PGAP6: variants seen among roughly 807,000 people sequenced by gnomAD.
The protein encoded by PGAP6 is post-GPI attachment to proteins factor 6.
Under a neutral mutation model 68.4 loss-of-function variants are expected in PGAP6, and 62 were observed. That is an observed-to-expected ratio of 0.91 (90% CI 0.74 to 1.12). The LOEUF (loss-of-function observed/expected upper bound fraction) is 1.12, where lower values mean the gene tolerates loss of function less well. PGAP6 is among the 50% of genes most tolerant of loss of function. PGAP6 has a pLI of 0.00. For synonymous variants in PGAP6, 575 were observed against 474.0 expected, an observed-to-expected ratio of 1.21 and a Z score of -2.77; for missense variants, 1,188 against 1,068.5, an observed-to-expected ratio of 1.11 and a Z score of -1.56.
rs868204449 is a variant in PGAP6, at chr16:376,152, G to T, written c.1208C>A (p.Ser403Tyr). 1 of 1,605,510 alleles carries T rather than the reference G, an allele frequency of 6.2e-7. No homozygotes were observed. The highest frequency in any genetic ancestry group is 1.7e-5 in the Admixed American group (1 of 59,758). ...GMDSGGSLTISLRANKTEMRN... is the reference protein window; with the variant it reads ...GMDSGGSLTIYLRANKTEMRN... Reference sequence around the variant, plus strand: ...AGCAGGTACCTTGTTGGCCCGCAGGGAGATGGTGAGGGAACCCCCGCTGTC... The same window carrying T: ...AGCAGGTACCTTGTTGGCCCGCAGGTAGATGGTGAGGGAACCCCCGCTGTC... The change falls in exon 6 of 13, where the codon TCC (serine) becomes TAC (tyrosine). Residue 403 changes from serine (S) to tyrosine (Y), a missense_variant. Physicochemically the swap from Ser to Tyr is moderately radical, Grantham distance 144. Coordinates refer to ENST00000431232, the MANE Select transcript of PGAP6 (RefSeq NM_021259.3).
At position 376,335 on chromosome 16, in the gene PGAP6, C is replaced by T. The variant is rs2054383254; in HGVS notation, c.1025G>A (p.Gly342Asp). Reference sequence around the variant, plus strand: ...GCAGAAGGGGCTGCGGTCCACCCTGCCACTCCTGCCCAGGTCCTGGTGGTC... The same window carrying T: ...GCAGAAGGGGCTGCGGTCCACCCTGTCACTCCTGCCCAGGTCCTGGTGGTC... ...SPDHQDLGRSGRVDRSPFCLT... is the reference protein window; with the variant it reads ...SPDHQDLGRSDRVDRSPFCLT... Residue 342 changes from glycine (G) to aspartate (D), a missense_variant, in exon 6 of 13, where the codon GGC becomes GAC. Coordinates refer to ENST00000431232, the MANE Select transcript of PGAP6 (RefSeq NM_021259.3). 1.9e-6 allele frequency: 3 copies of T among 1,612,528 alleles called. No individual in the cohort carries two copies. The highest frequency in any genetic ancestry group is 2.5e-6 in the Non-Finnish European group (3 of 1,179,950).
intron 1 of PGAP6, among the ~76,000 whole-genome samples, chr16:380,829 G>A (rs1189232493): frequency 6.6e-6 from 1 of 152,164 alleles, no homozygotes; most frequent in East Asian, 1.9e-4. Context: ...CGGGAAGTCG[G>A]GGAACAGCAC....
upstream of PGAP6, chr16:386,866 A>T (rs565934180): frequency 1.8e-5 from 12 of 680,236 alleles, no homozygotes; most frequent in African/African-American, 2.2e-4. Context: ...GTCCACAGCC[A>T]CATAAAAAAG....
upstream of PGAP6, among the ~76,000 whole-genome samples, chr16:382,733 C>A (rs1372533734): frequency 7.1e-6 from 1 of 140,138 alleles, no homozygotes; most frequent in Admixed American, 7.9e-5. Flanking sequence ...AGAAGTTCCG[C>A]CGCGTCGTGG....
intron 1 of PGAP6, among the ~76,000 whole-genome samples, chr16:380,251 T>C (rs113071511): frequency 2.0e-5 from 3 of 152,370 alleles, no homozygotes; most frequent in African/African-American, 7.2e-5. Context: ...GGTCTCACTC[T>C]GTCACCCAGG....
chr16:377,666 C>T lies in PGAP6; in HGVS notation c.299+5G>A, dbSNP rs781349394. 3 of 1,578,490 alleles carry T rather than the reference C, an allele frequency of 1.9e-6. No homozygotes were observed. In the South Asian group the frequency reaches 3.5e-5, roughly 18 times the overall value. ...GGGTGGGCAGGCGGGCGGGCAGCCA[C>T]CTACACGGTGATCTCCGCGTCGGTG... On this transcript the variant is annotated splice_donor_5th_base_variant and intron_variant, in intron 2 of 12. Transcript: ENST00000431232.
chr16:377,910 G>A lies in PGAP6; in HGVS notation c.122-62C>T, dbSNP rs964147797. The A allele has an allele frequency of 7.7e-6, 11 of 1,432,282 alleles. No individual in the cohort carries two copies. In the African/African-American group the frequency reaches 1.0e-4, roughly 13 times the overall value. 88.7% of individuals were successfully genotyped at this position (1,432,282 alleles called of 1,614,324 possible). A position where few individuals can be genotyped will look rare whatever the true frequency, so the allele number is the denominator to read the frequency against. Reference sequence around the variant, plus strand: ...CTCCTCCAGGGCCGCAGATGGGGAGGACGAGTCCCCCAGATGGAAAGGGCT... The same window carrying A: ...CTCCTCCAGGGCCGCAGATGGGGAGAACGAGTCCCCCAGATGGAAAGGGCT... On this transcript the variant is annotated intron_variant, in intron 1 of 12. Coordinates refer to ENST00000431232, the MANE Select transcript of PGAP6 (RefSeq NM_021259.3).
At position 376,536 on chromosome 16, in the gene PGAP6, C is replaced by T. The variant is rs143874266; in HGVS notation, c.904+8G>A. On this transcript the variant is annotated splice_region_variant and intron_variant, in intron 5 of 12. Coordinates refer to ENST00000431232, the MANE Select transcript of PGAP6 (RefSeq NM_021259.3). ...CAGGGCCATCCCTCCAGCCCTTGTG[C>T]GGCCCACCTGTGAGGGCAGCTACAG... is the stretch of plus-strand genomic sequence containing the variant. 1.4e-3 allele frequency: 2,232 copies of T among 1,543,040 alleles called. 26 individuals are homozygous for T. In the East Asian group the frequency reaches 0.017, roughly 12 times the overall value.
chr16:384,764 G>T (rs570876634), upstream of PGAP6, among the ~76,000 whole-genome samples: 6 of 151,838 alleles, frequency 4.0e-5, no homozygotes, highest in Admixed American at 1.3e-4. Flanking sequence ...GCTGAGGCAG[G>T]AGAATGGCGT....
intron 2 of PGAP6, 32 bp from the exon 3 acceptor site, chr16:377,617 C>T (rs1306940051): frequency 1.3e-6 from 2 of 1,568,914 alleles, no homozygotes; most frequent in African/African-American, 1.4e-5. Flanking sequence ...CGGGTTCAGG[C>T]ACAGGGCTTG....
upstream of PGAP6, among the ~76,000 whole-genome samples, chr16:383,833 C>T (rs1484360485): frequency 7.4e-6 from 1 of 134,386 alleles, no homozygotes; most frequent in Non-Finnish European, 1.7e-5. Context: ...AACGCCGCAG[C>T]GGGTGGTGAG....
At chr16:377,916 T>A in intron 1 of PGAP6, 68 bp from the exon 2 acceptor site, 1 of 1,403,350 alleles carries the variant, frequency 7.1e-7, no homozygotes, top group South Asian at 1.4e-5. Context: ...GGAGGACGAG[T>A]CCCCCAGATG....
chr16:373,531 G>A (rs527329990), intron 11 of PGAP6, among the ~76,000 whole-genome samples: 12 of 152,338 alleles, frequency 7.9e-5, no homozygotes, highest in Non-Finnish European at 1.5e-4. Flanking sequence ...CCGCATCTCC[G>A]TGTGGCATCA....
At chr16:373,474 CA>C (rs1350489214) in intron 11 of PGAP6, among the ~76,000 whole-genome samples, 2 of 152,238 alleles carry the variant, frequency 1.3e-5, no homozygotes, top group African/African-American at 2.4e-5. Flanking sequence ...TGGCATCCTC[CA>C]AACAGCTGGC....
At position 376,261 on chromosome 16, in the gene PGAP6, G is replaced by C. The variant is rs777517672; in HGVS notation, c.1099C>G (p.His367Asp). ...TREDMDVVSV[H>D]FQPLDRVSVR... ...GAGACCCTGTCCAGGGGCTGGAAGT[G>C]CACCGACACCACGTCCATGTCCTCC... The change falls in exon 6 of 13, where the codon CAC becomes GAC. Residue 367 changes from histidine (H) to aspartate (D), a missense_variant. Transcript: ENST00000431232. 6.2e-7 allele frequency: 1 copy of C among 1,612,804 alleles called. No homozygotes were observed. Among genetic ancestry groups the C allele is most frequent in the Non-Finnish European group, 8.5e-7 (1 of 1,179,998 alleles).
At chr16:382,003 G>C (rs1271966019), upstream of PGAP6, 3 of 936,472 alleles carry the variant, frequency 3.2e-6, no homozygotes, top group East Asian at 1.6e-4. Context: ...CCGCCCCGCA[G>C]GCCGAGCCGG....
Position 371,907 on chromosome 16 carries a change from G to C in PGAP6, c.*80C>G. Reference sequence around the variant, plus strand: ...ATTCAGCTGGAAATCAATCTGTCCAGGGCTGGACCAGGCGCCTCCCCCTCG... The same window carrying C: ...ATTCAGCTGGAAATCAATCTGTCCACGGCTGGACCAGGCGCCTCCCCCTCG... On this transcript the variant is annotated 3_prime_UTR_variant, in exon 13 of 13. Transcript: ENST00000431232. 1 of 1,491,520 alleles carries C rather than the reference G, an allele frequency of 6.7e-7. No homozygotes were observed. Among genetic ancestry groups the C allele is most frequent in the Non-Finnish European group, 9.1e-7 (1 of 1,092,940 alleles). The allele number at this position is 1,491,520 out of a possible 1,614,324, so 92.4% of individuals were successfully genotyped here. A position where few individuals can be genotyped will look rare whatever the true frequency, so the allele number is the denominator to read the frequency against.
chr16:385,752 G>A, upstream of PGAP6, among the ~76,000 whole-genome samples: 1 of 150,094 alleles, frequency 6.7e-6, no homozygotes, highest in Non-Finnish European at 1.5e-5. Flanking sequence ...AGCCTCCCGA[G>A]TAGCTGGGAC....
rs1409600289 is a variant in PGAP6 at position 371,341 on chromosome 16, C to A, written c.*646G>T. On this transcript the variant is annotated 3_prime_UTR_variant, in exon 13 of 13. Transcript: ENST00000431232. ...CCAAACCCCCAGAGCAGCAGAGCACCCCAGTCCAAGGAAGCTCTTCTCAGG... is the reference window on the plus strand; with the variant it reads ...CCAAACCCCCAGAGCAGCAGAGCACACCAGTCCAAGGAAGCTCTTCTCAGG... 2 of 152,840 alleles carry A rather than the reference C, an allele frequency of 1.3e-5. No individual in the cohort carries two copies. The highest frequency in any genetic ancestry group is 4.8e-5 in the African/African-American group (2 of 41,388). The allele number at this position is 152,840 out of a possible 1,614,324, so 9.5% of individuals were successfully genotyped here.
Sources: gnomAD v4.1 joint callset for allele counts (sites outside exome capture counted in the v4.1 genomes callset) on GRCh38, gnomAD v4.1.1 for gene constraint, MANE v1.5 for transcripts, NCBI Gene and HGNC (gene_info 2026-07-23, HGNC 2026-07-21) for gene names.